The following RORA variants were observed in gnomAD, a reference collection of about 807,000 sequenced individuals.
The protein encoded by RORA is RAR related orphan receptor A, also known as nuclear receptor ROR-alpha.
RORA carries 7 observed loss-of-function variants against 69.5 expected under a neutral mutation model. The ratio of observed to expected loss-of-function variants is 0.10; its 90% CI spans 0.06 to 0.19. The LOEUF (loss-of-function observed/expected upper bound fraction) is 0.19, where lower values mean the gene tolerates loss of function less well. Ranked by LOEUF, RORA falls within the 10% of genes least tolerant of loss-of-function variation. The probability of loss-of-function intolerance (pLI) is 1.00; values close to 1 mark genes in which losing one functional copy is unlikely to be tolerated. For missense variants in RORA, 457 were observed against 663.0 expected, an observed-to-expected ratio of 0.69 and a Z score of 3.41; for synonymous variants, 261 against 240.8, an observed-to-expected ratio of 1.08 and a Z score of -0.78.
intron 4 of RORA, among the ~76,000 whole-genome samples, chr15:60,513,633 T>C (rs2065774029): frequency 6.6e-6 from 1 of 152,202 alleles, no homozygotes; most frequent in South Asian, 2.1e-4. Flanking sequence ...TCTGAGAATA[T>C]GGTGGAAGTT....
At chr15:60,559,473 C>T (rs2067470497) in intron 2 of RORA, among the ~76,000 whole-genome samples, 1 of 152,132 alleles carries the variant, frequency 6.6e-6, no homozygotes, top group Non-Finnish European at 1.5e-5. Flanking sequence ...AAAGAGATTT[C>T]CTCTGAAATC....
chr15:60,537,425 C>T lies in RORA; in HGVS notation c.197-5574G>A, dbSNP rs567353265. On this transcript the variant is annotated intron_variant, in intron 2 of 10. Transcript: ENST00000335670. This position sits in a 1 kb window ranked among gnomAD's most constrained non-coding sequence, Gnocchi z 4.9. Reference sequence around the variant, plus strand: ...CAGACAAGCTCCCTTTTTTCAAACCCTCCTTCCAGGGGTAGTGCCCCTTCT... The same window carrying T: ...CAGACAAGCTCCCTTTTTTCAAACCTTCCTTCCAGGGGTAGTGCCCCTTCT... Among the ~76,000 whole-genome samples, 11 of 151,706 alleles carry T rather than the reference C, an allele frequency of 7.3e-5. No individual in the cohort carries two copies. In the East Asian group the frequency reaches 2.1e-3, roughly 29 times the overall value.
chr15:61,175,661 G>A (rs998345400), intron 1 of RORA, among the ~76,000 whole-genome samples: 3 of 151,432 alleles, frequency 2.0e-5, no homozygotes, highest in African/African-American at 7.3e-5. Flanking sequence ...AGGCTGCAAT[G>A]AGCCATAATT....
chr15:60,918,358 G>A (rs1891941435), intron 1 of RORA, among the ~76,000 whole-genome samples: 1 of 152,204 alleles, frequency 6.6e-6, no homozygotes, highest in Non-Finnish European at 1.5e-5. Context: ...TGGTTTGGTA[G>A]GCCATTAGTG....
At chr15:61,009,789 G>A (rs1895032674) in intron 1 of RORA, among the ~76,000 whole-genome samples, 1 of 152,112 alleles carries the variant, frequency 6.6e-6, no homozygotes, top group African/African-American at 2.4e-5. Flanking sequence ...ACATAAAAAG[G>A]ATCTTAATCC....
At chr15:61,084,813 G>C in intron 1 of RORA, among the ~76,000 whole-genome samples, 1 of 148,074 alleles carries the variant, frequency 6.8e-6, no homozygotes, top group East Asian at 2.0e-4. Flanking sequence ...GGCCCTTTCA[G>C]TTCTACCCAT....
intron 2 of RORA, among the ~76,000 whole-genome samples, chr15:60,535,795 T>C (rs561630847): frequency 1.1e-4 from 16 of 152,294 alleles, no homozygotes; most frequent in Non-Finnish European, 1.6e-4. Context: ...AATATCTACA[T>C]GTATTTGTGC....
intron 1 of RORA, among the ~76,000 whole-genome samples, chr15:61,169,733 C>G (rs1385548913): frequency 6.6e-6 from 1 of 151,174 alleles, no homozygotes; most frequent in Non-Finnish European, 1.5e-5. Context: ...TCCTGTTTTT[C>G]CTTCAAACCC....
At chr15:60,707,395 G>C (rs1382285690) in intron 1 of RORA, among the ~76,000 whole-genome samples, 1 of 148,374 alleles carries the variant, frequency 6.7e-6, no homozygotes, top group African/African-American at 2.5e-5. Context: ...ATGGAGTCTT[G>C]CTCTGTCACC....
chr15:61,145,463 C>T (rs951861599), intron 1 of RORA, among the ~76,000 whole-genome samples: 1 of 152,216 alleles, frequency 6.6e-6, no homozygotes, highest in Non-Finnish European at 1.5e-5. Flanking sequence ...CGATAACATG[C>T]TCCTACCTCC....
At chr15:60,966,481 A>C (rs1477925158) in intron 1 of RORA, among the ~76,000 whole-genome samples, 2 of 152,202 alleles carry the variant, frequency 1.3e-5, no homozygotes, top group Non-Finnish European at 2.9e-5. Flanking sequence ...AATATTTAAA[A>C]TTTGTAAGCT....
intron 1 of RORA, among the ~76,000 whole-genome samples, chr15:60,908,272 G>C (rs1891602465): frequency 6.6e-6 from 1 of 152,186 alleles, no homozygotes; most frequent in Non-Finnish European, 1.5e-5. Context: ...GGTGTCCAGA[G>C]GCACTTGGCA....
At chr15:60,790,974 G>T (rs2072408343) in intron 1 of RORA, among the ~76,000 whole-genome samples, 2 of 151,270 alleles carry the variant, frequency 1.3e-5, no homozygotes, top group Admixed American at 6.6e-5. Flanking sequence ...CCCCCCCATT[G>T]CCCCCCCAAA....
chr15:60,905,651 G>GTCTGTATCTGCCC lies in RORA; in HGVS notation c.167-226978_167-226966dup, dbSNP rs1567232053. Among the ~76,000 whole-genome samples, 2 of 152,196 alleles carry GTCTGTATCTGCCC rather than the reference G, an allele frequency of 1.3e-5. No individual in the cohort carries two copies. The highest frequency in any genetic ancestry group is 4.8e-5 in the African/African-American group (2 of 41,448). ...AGGAAGTGATAAAGCCCTCAAGAGC[G>GTCTGTATCTGCCC]TCTGTATCTGCCCCGGTTCTGTCAG... On this transcript the variant is annotated intron_variant, in intron 1 of 10. Coordinates refer to ENST00000335670, the MANE Select transcript of RORA (RefSeq NM_134261.3). This position sits in a 1 kb window ranked among gnomAD's most constrained non-coding sequence, Gnocchi z 4.8.
At chr15:60,835,807 G>A (rs2073107628) in intron 1 of RORA, among the ~76,000 whole-genome samples, 1 of 152,176 alleles carries the variant, frequency 6.6e-6, no homozygotes, top group African/African-American at 2.4e-5. Flanking sequence ...CCAAGTAGAT[G>A]ACTGGCCTCT....
At chr15:60,935,035 A>G (rs1892480012) in intron 1 of RORA, among the ~76,000 whole-genome samples, 1 of 152,252 alleles carries the variant, frequency 6.6e-6, no homozygotes, top group African/African-American at 2.4e-5. Context: ...AGTAGGTACT[A>G]TTATTATCCC....
chr15:61,085,347 T>C (rs956626888), intron 1 of RORA, among the ~76,000 whole-genome samples: 1 of 152,206 alleles, frequency 6.6e-6, no homozygotes, highest in African/African-American at 2.4e-5. Context: ...AGCTGTTTCA[T>C]GGTGGGAAAG....
At chr15:61,198,927 A>G (rs2079871136) in intron 1 of RORA, among the ~76,000 whole-genome samples, 1 of 152,164 alleles carries the variant, frequency 6.6e-6, no homozygotes, top group South Asian at 2.1e-4. Flanking sequence ...CAGGCTTTCC[A>G]GCCTTCCTGC....
intron 1 of RORA, among the ~76,000 whole-genome samples, chr15:60,787,173 G>A (rs1384169771): frequency 6.6e-6 from 1 of 152,212 alleles, no homozygotes; most frequent in African/African-American, 2.4e-5. Context: ...GAAATGCTGG[G>A]GAGCGCCATG....
Sources: gnomAD v4.1 joint callset for allele counts (sites outside exome capture counted in the v4.1 genomes callset) on GRCh38, gnomAD v4.1.1 for gene constraint, Gnocchi (gnomAD v3.1) non-coding constraint, MANE v1.5 for transcripts, NCBI Gene and HGNC (gene_info 2026-07-23, HGNC 2026-07-21) for gene names.